HERC1: variants seen among roughly 807,000 people sequenced by gnomAD.
HERC1 encodes HECT and RLD domain containing E3 ubiquitin protein ligase family member 1.
HERC1 carries 160 observed loss-of-function variants against 554.3 expected under a neutral mutation model. That is an observed-to-expected ratio of 0.29 (90% confidence interval 0.25 to 0.33). The LOEUF (loss-of-function observed/expected upper bound fraction) is 0.33. HERC1 is among the 10% of genes least tolerant of loss of function. The probability of loss-of-function intolerance (pLI) is 1.00; values close to 1 mark genes in which losing one functional copy is unlikely to be tolerated. For missense variants in HERC1, 4,919 were observed against 5,918.5 expected (o/e 0.83, Z 5.54); for synonymous variants, 2,175 against 2,131.7 (o/e 1.02, Z -0.56).
chr15:63,774,728 A>C lies in HERC1; in HGVS notation c.896T>G (p.Phe299Cys). ...SQEGMISFDC[F>C]MTILMQMRRS... ...CCTCATCTGCATTAATATGGTCATA[A>C]AGCAGTCAAAGCTGATCATTCCTTC... is the stretch of plus-strand genomic sequence containing the variant. The change falls in exon 2 of 78, where the codon TTT (phenylalanine) becomes TGT (cysteine). Residue 299 changes from phenylalanine to cysteine, a missense_variant. Phe to Cys is a radical substitution (Grantham distance 205). Transcript: ENST00000443617. 2 of 1,613,370 alleles carry C rather than the reference A, an allele frequency of 1.2e-6. 1 individual carries two copies. The highest frequency in any genetic ancestry group is 2.2e-5 in the South Asian group (2 of 90,950).
At chr15:63,691,308 A>C (rs911515609) in intron 31 of HERC1, among the ~76,000 whole-genome samples, 2 of 152,056 alleles carry the variant, frequency 1.3e-5, no homozygotes, top group Non-Finnish European at 2.9e-5. Flanking sequence ...TTTACTAAAA[A>C]TACAAAAATT....
At chr15:63,648,880 G>A (rs966701799) in intron 54 of HERC1, among the ~76,000 whole-genome samples, 1 of 152,090 alleles carries the variant, frequency 6.6e-6, no homozygotes, top group African/African-American at 2.4e-5. Flanking sequence ...ATGTAAGCAG[G>A]CACTATGACT....
At chr15:63,644,837 A>G (rs1011118403) in intron 57 of HERC1, among the ~76,000 whole-genome samples, 155 bp downstream of exon 57, 6 of 152,228 alleles carry the variant, frequency 3.9e-5, no homozygotes, top group African/African-American at 1.4e-4. Flanking sequence ...TTTATAAAAA[A>G]TTAAGCTAAT....
At chr15:63,744,158 GTGTGTGTCTC>G (rs1217313915) in intron 12 of HERC1, among the ~76,000 whole-genome samples, 1,292 of 41,386 alleles carry the variant, frequency 0.031, 5 homozygotes, top group Middle Eastern at 0.1. Context: ...GTGTGTGTGT[GTGTGTGTCTC>G]TCTCTCTCTC....
At chr15:63,650,560 G>A (rs2069619922) in intron 53 of HERC1, among the ~76,000 whole-genome samples, 1 of 151,966 alleles carries the variant, frequency 6.6e-6, no homozygotes, top group Non-Finnish European at 1.5e-5. Flanking sequence ...TGAGGTTCCA[G>A]GCATATGTCA....
At chr15:63,829,456 G>A (rs1158459911) in intron 1 of HERC1, among the ~76,000 whole-genome samples, 4 of 117,012 alleles carry the variant, frequency 3.4e-5, no homozygotes, top group Non-Finnish European at 7.5e-5. Context: ...GTGTGTGTGT[G>A]TGTGCACATA....
intron 19 of HERC1, among the ~76,000 whole-genome samples, chr15:63,721,911 A>G (rs2073838282): frequency 6.6e-6 from 1 of 152,212 alleles, no homozygotes; most frequent in South Asian, 2.1e-4. Context: ...CTCAGGCTGG[A>G]ATGCAGTGGT....
Position 63,733,029 on chromosome 15 carries a change from G to A in HERC1, c.2763C>T (p.Tyr921=), listed in dbSNP as rs774543153. ...CGTAAGGTTGATCTGACAGATTTCC[G>A]TAGCCAGTACACACAGAAGATAGGT... ...AADLSSVCTG[Y]GNLSDQPYGT... The change falls in exon 14 of 78, where the codon TAC becomes TAT. Residue 921 remains tyrosine (Y), a synonymous_variant. Coordinates refer to ENST00000443617, the MANE Select transcript of HERC1 (RefSeq NM_003922.4). 8 of 1,613,768 alleles carry A rather than the reference G, an allele frequency of 5.0e-6. No individual in the cohort carries two copies. The highest frequency in any genetic ancestry group is 2.2e-5 in the East Asian group (1 of 44,890).
At chr15:63,661,239 G>C (rs2070342193) in intron 45 of HERC1, among the ~76,000 whole-genome samples, 1 of 152,166 alleles carries the variant, frequency 6.6e-6, no homozygotes, top group African/African-American at 2.4e-5. Context: ...AACTACTGGG[G>C]AGATTTCTGG....
intron 1 of HERC1, among the ~76,000 whole-genome samples, chr15:63,824,323 G>A (rs2145852998): frequency 6.6e-6 from 1 of 152,096 alleles, no homozygotes; most frequent in Middle Eastern, 3.4e-3. Context: ...CACAAGGTCA[G>A]GAGATGGAGA....
intron 53 of HERC1, among the ~76,000 whole-genome samples, chr15:63,650,335 C>T (rs189955854): frequency 1.6e-3 from 251 of 152,170 alleles, no homozygotes; most frequent in African/African-American, 5.8e-3. Flanking sequence ...GATCACGCCA[C>T]TGCACTCCAG....
chr15:63,706,065 G>T (rs934594426), intron 25 of HERC1, among the ~76,000 whole-genome samples: 4 of 142,238 alleles, frequency 2.8e-5, no homozygotes, highest in Non-Finnish European at 6.1e-5. Context: ...AGCAGTACCA[G>T]TTAATAGAGA....
intron 54 of HERC1, among the ~76,000 whole-genome samples, chr15:63,648,442 G>C (rs546113202): frequency 1.3e-5 from 2 of 152,246 alleles, no homozygotes; most frequent in African/African-American, 4.8e-5. Context: ...TTCTTTTTCA[G>C]GTGGTTGTTG....
chr15:63,796,750 G>A (rs1265219620), intron 1 of HERC1, among the ~76,000 whole-genome samples: 1 of 152,174 alleles, frequency 6.6e-6, no homozygotes. Context: ...TAGATACATT[G>A]AAAGGTTTTC....
At position 63,656,184 on chromosome 15, in the gene HERC1, C is replaced by T. The variant is rs1342983505; in HGVS notation, c.9774G>A (p.Lys3258=). 6.2e-7 allele frequency: 1 copy of T among 1,612,422 alleles called. No homozygotes were observed. Among genetic ancestry groups the T allele is most frequent in the Non-Finnish European group, 8.5e-7 (1 of 1,179,280 alleles). The change falls in exon 49 of 78, where the codon AAG becomes AAA. Residue 3258 remains lysine (K), a synonymous_variant. Coordinates refer to ENST00000443617, the MANE Select transcript of HERC1 (RefSeq NM_003922.4). ...RSRGGHSKAN[K]PISCLAYLST... is the part of the protein sequence containing the mutation. ...TCAAATAGGCCAGGCAAGAGATAGG[C>T]TTGTTAGCCTTGCTATGCCCACCTC... is the stretch of plus-strand genomic sequence containing the variant.
intron 57 of HERC1, 50 bp downstream of exon 57, chr15:63,644,941 TC>T: frequency 7.5e-7 from 1 of 1,333,720 alleles, no homozygotes; most frequent in Non-Finnish European, 1.1e-6. Flanking sequence ...GACTCTGATG[TC>T]ATATACTTTC....
chr15:63,683,337 A>G (rs2071580531), intron 34 of HERC1, among the ~76,000 whole-genome samples: 2 of 152,186 alleles, frequency 1.3e-5, no homozygotes, highest in South Asian at 2.1e-4. Flanking sequence ...ACAAGTGTCT[A>G]TAACTGGTGG....
intron 33 of HERC1, among the ~76,000 whole-genome samples, chr15:63,688,637 A>C (rs1487591622): frequency 6.6e-6 from 1 of 152,232 alleles, no homozygotes; most frequent in East Asian, 1.9e-4. Flanking sequence ...AAGAAGAAGA[A>C]GAACCTATAA....
intron 21 of HERC1, among the ~76,000 whole-genome samples, chr15:63,717,038 A>G (rs1334055851): frequency 6.6e-6 from 1 of 152,244 alleles, no homozygotes; most frequent in Non-Finnish European, 1.5e-5. Flanking sequence ...CAAAGAAAAG[A>G]ATCCTTAAAA....
Sources: gnomAD v4.1 joint callset for allele counts (sites outside exome capture counted in the v4.1 genomes callset) on GRCh38, gnomAD v4.1.1 for gene constraint, MANE v1.5 for transcripts, NCBI Gene and HGNC (gene_info 2026-07-23, HGNC 2026-07-21) for gene names.